The following GMPS variants were observed in gnomAD, a reference collection of about 807,000 sequenced individuals.
The protein encoded by GMPS is guanosine monophosphate synthase.
A neutral mutation model predicts 77.9 loss-of-function variants in GMPS; 15 were observed. The observed-to-expected ratio is 0.19, with a 90% CI of 0.13 to 0.30. The LOEUF (loss-of-function observed/expected upper bound fraction) is 0.30, where lower values mean the gene tolerates loss of function less well. Ranked by LOEUF, GMPS falls within the 10% of genes least tolerant of loss-of-function variation. GMPS has a pLI of 1.00. For synonymous variants in GMPS, 224 were observed against 275.9 expected (o/e 0.81, Z 1.86); for missense variants, 590 against 838.8 (o/e 0.70, Z 3.66).
chr3:155,906,528 A>G (rs1262215134), intron 5 of GMPS, among the ~76,000 whole-genome samples: 1 of 152,212 alleles, frequency 6.6e-6, no homozygotes, highest in African/African-American at 2.4e-5. Context: ...AAGCTTTTCA[A>G]ACATAAAACA....
At chr3:155,892,574 C>T (rs1181622871) in intron 1 of GMPS, among the ~76,000 whole-genome samples, 3 of 152,138 alleles carry the variant, frequency 2.0e-5, no homozygotes, top group African/African-American at 7.2e-5. Context: ...CCAAATTAAC[C>T]TTTCAGAAAA....
intron 14 of GMPS, 119 bp from the exon 15 acceptor site, chr3:155,936,219 T>C (rs1755762503): frequency 4.6e-6 from 3 of 655,416 alleles, no homozygotes; most frequent in Non-Finnish European, 8.2e-6. Context: ...ATGATGACAG[T>C]CTTAACTACG....
rs113021134 is a variant in GMPS, at chr3:155,892,508, G to C, written c.28-1010G>C. Among the ~76,000 whole-genome samples the C allele has an allele frequency of 2.8e-3, 420 of 152,274 alleles. 8 individuals carry two copies. The South Asian group carries it at 0.029, about 10-fold the overall frequency. ...TAGCCACCTACTTTTGCATTATTTTGAAGCATCTTCCAGGTAAGTATTTTG... is the reference window on the plus strand; with the variant it reads ...TAGCCACCTACTTTTGCATTATTTTCAAGCATCTTCCAGGTAAGTATTTTG... On this transcript the variant is annotated intron_variant, in intron 1 of 15. Transcript: ENST00000496455.
intron 13 of GMPS, 80 bp downstream of exon 13, chr3:155,931,960 C>A: frequency 4.4e-6 from 3 of 679,144 alleles, no homozygotes; most frequent in East Asian, 2.7e-5. Flanking sequence ...AATGGAAGAC[C>A]AAAAGGCTCA....
In GMPS at chr3:155,941,151, T is replaced by A. The variant is rs973506397; in HGVS notation, c.*3459T>A. 8.3e-5 allele frequency: 15 copies of A among 179,980 alleles called. No homozygotes were observed. Among genetic ancestry groups the A allele is most frequent in the African/African-American group, 3.5e-4 (15 of 42,350 alleles). The allele number at this position is 179,980 out of a possible 1,614,324, so 11.1% of individuals were successfully genotyped here. On this transcript the variant is annotated 3_prime_UTR_variant, in exon 16 of 16. Transcript: ENST00000496455. Reference sequence around the variant, plus strand: ...CGGGCGCGGTGGCTCATGCCTGTAATCCCAGCACTTTGGGAGGCCGAGGTG... The same window carrying A: ...CGGGCGCGGTGGCTCATGCCTGTAAACCCAGCACTTTGGGAGGCCGAGGTG...
chr3:155,909,180 C>A (rs1754967710), intron 5 of GMPS, among the ~76,000 whole-genome samples: 1 of 152,164 alleles, frequency 6.6e-6, no homozygotes, highest in South Asian at 2.1e-4. Flanking sequence ...TTCTTGATAT[C>A]TCAGAGCCAT....
At chr3:155,910,991 G>A in intron 6 of GMPS, 106 bp downstream of exon 6, 2 of 1,078,238 alleles carry the variant, frequency 1.9e-6, no homozygotes. Context: ...GTTTTAGAGT[G>A]CTTTTCCAGT....
Position 155,916,116 on chromosome 3 carries a change from T to G in GMPS, c.1136T>G (p.Leu379Arg), listed in dbSNP as rs757902468. The change falls in exon 9 of 16, where the codon CTT (leucine) becomes CGT (arginine). Residue 379 changes from leucine to arginine, a missense_variant. Coordinates refer to ENST00000496455, the MANE Select transcript of GMPS (RefSeq NM_003875.3). ...CCTGATCTAATTGAAAGTGCATCCCTTGTTGCAAGTGGCAAAGCTGAACTC... is the reference window on the plus strand; with the variant it reads ...CCTGATCTAATTGAAAGTGCATCCCGTGTTGCAAGTGGCAAAGCTGAACTC... Reference protein sequence around the residue: ...LRPDLIESASLVASGKAELIK... With the variant: ...LRPDLIESASRVASGKAELIK... 4 of 1,613,124 alleles carry G rather than the reference T, an allele frequency of 2.5e-6. No homozygotes were observed. The East Asian group carries it at 6.7e-5, about 27-fold the overall frequency.
At chr3:155,913,850 C>T (rs1755100930) in intron 7 of GMPS, among the ~76,000 whole-genome samples, 1 of 151,490 alleles carries the variant, frequency 6.6e-6, no homozygotes, top group Non-Finnish European at 1.5e-5. Flanking sequence ...TGTCATGGCC[C>T]TAGATCTAAA....
intron 1 of GMPS, among the ~76,000 whole-genome samples, chr3:155,884,815 G>T (rs1754298314): frequency 6.6e-6 from 1 of 152,128 alleles, no homozygotes; most frequent in Non-Finnish European, 1.5e-5. Flanking sequence ...TCTTTAGGTG[G>T]GTGCTAGAAC....
chr3:155,927,202 T>C (rs1343759712), intron 12 of GMPS, among the ~76,000 whole-genome samples: 2 of 152,196 alleles, frequency 1.3e-5, no homozygotes, highest in African/African-American at 4.8e-5. Flanking sequence ...GATACTTTCT[T>C]TCAGTGGTTT....
chr3:155,877,876 G>T lies in GMPS; in HGVS notation c.27+6979G>T, dbSNP rs535302966. ...AGCTCACTGCAACCTCCACCTCCTGGATTCAAGCCATTCTTCTTCTTCAGC... is the reference window on the plus strand; with the variant it reads ...AGCTCACTGCAACCTCCACCTCCTGTATTCAAGCCATTCTTCTTCTTCAGC... On this transcript the variant is annotated intron_variant, in intron 1 of 15. Coordinates refer to ENST00000496455, the MANE Select transcript of GMPS (RefSeq NM_003875.3). Among the ~76,000 whole-genome samples the T allele has an allele frequency of 1.4e-3, 212 of 150,380 alleles. 1 individual carries two copies. Among genetic ancestry groups the T allele is most frequent in the African/African-American group, 4.9e-3 (201 of 40,874 alleles).
At chr3:155,883,311 G>A (rs1397881678) in intron 1 of GMPS, among the ~76,000 whole-genome samples, 1 of 152,138 alleles carries the variant, frequency 6.6e-6, no homozygotes, top group Non-Finnish European at 1.5e-5. Context: ...CTGAGCTCAA[G>A]TGATCCACTC....
chr3:155,936,359 AGATGCCGGT>A lies in GMPS; in HGVS notation c.1833_1841del (p.Met611_Val613del). ...CTAGGGTATGCTGGGAAAATCAGCC[AGATGCCGGT>A]GATTTTGACACCATTACATTTTGAT... is the stretch of plus-strand genomic sequence containing the variant. On this transcript the variant is annotated inframe_deletion, in exon 15 of 16. Coordinates refer to ENST00000496455, the MANE Select transcript of GMPS (RefSeq NM_003875.3). 1 of 1,609,658 alleles carries A rather than the reference AGATGCCGGT, an allele frequency of 6.2e-7. No homozygotes were observed. The highest frequency in any genetic ancestry group is 8.5e-7 in the Non-Finnish European group (1 of 1,177,478).
chr3:155,939,868 CTG>C lies in GMPS; in HGVS notation c.*2177_*2178del, dbSNP rs1016185515. Reference sequence around the variant, plus strand: ...CCTTCACAGTATTTCATCTGAGCCACTGAGGAAAGTTAAAGGTTGCACTTCCA... The same window carrying C: ...CCTTCACAGTATTTCATCTGAGCCACAGGAAAGTTAAAGGTTGCACTTCCA... On this transcript the variant is annotated 3_prime_UTR_variant, in exon 16 of 16. Coordinates refer to ENST00000496455, the MANE Select transcript of GMPS (RefSeq NM_003875.3). 1 of 201,564 alleles carries C rather than the reference CTG, an allele frequency of 5.0e-6. No homozygotes were observed. Among genetic ancestry groups the C allele is most frequent in the African/African-American group, 2.3e-5 (1 of 43,626 alleles). The allele number at this position is 201,564 out of a possible 1,614,324, so 12.5% of individuals were successfully genotyped here.
intron 1 of GMPS, among the ~76,000 whole-genome samples, chr3:155,881,010 G>C (rs1041160418): frequency 1.3e-5 from 2 of 151,320 alleles, no homozygotes; most frequent in Non-Finnish European, 2.9e-5. Flanking sequence ...TAGACATTTG[G>C]TACAGTTTTA....
chr3:155,893,154 G>T (rs1264990880), intron 1 of GMPS, among the ~76,000 whole-genome samples: 1 of 152,158 alleles, frequency 6.6e-6, no homozygotes, highest in Admixed American at 6.5e-5. Flanking sequence ...GAGATTGAAA[G>T]GATGCACTGT....
intron 3 of GMPS, among the ~76,000 whole-genome samples, chr3:155,902,876 C>A (rs988587081): frequency 2.0e-5 from 3 of 152,136 alleles, no homozygotes; most frequent in Non-Finnish European, 4.4e-5. Flanking sequence ...TTTAGTTTGA[C>A]AAATACTGTG....
chr3:155,914,416 C>T lies in GMPS; in HGVS notation c.887-3C>T. The T allele has an allele frequency of 6.5e-7, 1 of 1,531,372 alleles. No homozygotes were observed. The highest frequency in any genetic ancestry group is 8.7e-7 in the Non-Finnish European group (1 of 1,143,136). The allele number at this position is 1,531,372 out of a possible 1,614,324, so 94.9% of individuals were successfully genotyped here. On this transcript the variant is annotated splice_region_variant and splice_polypyrimidine_tract_variant and intron_variant, in intron 7 of 15. Coordinates refer to ENST00000496455, the MANE Select transcript of GMPS (RefSeq NM_003875.3). ...TTTAAAACGCTTCTCCCCTTTCCTC[C>T]AGTGATAAATGCTGCTCATTCTTTC...
Sources: gnomAD v4.1 joint callset for allele counts (sites outside exome capture counted in the v4.1 genomes callset) on GRCh38, gnomAD v4.1.1 for gene constraint, MANE v1.5 for transcripts, NCBI Gene and HGNC (gene_info 2026-07-23, HGNC 2026-07-21) for gene names.